Variants in ACYP2 observed in about 807,000 individuals in gnomAD.
ACYP2 encodes acylphosphatase-2.
Under a neutral mutation model 11.2 loss-of-function variants are expected in ACYP2, and 12 were observed. The ratio of observed to expected loss-of-function variants is 1.08; its 90% CI spans 0.69 to 1.74. ACYP2 has a LOEUF of 1.74. Among genes scored for constraint, ACYP2 ranks in the 40% most tolerant of loss-of-function variants. The pLI is 0.00. For missense variants in ACYP2, 134 were observed against 101.9 expected (o/e 1.31, Z -1.35); for synonymous variants, 43 against 32.2 (o/e 1.33, Z -1.13).
intron 6 of ACYP2, among the ~76,000 whole-genome samples, chr2:54,203,347 C>T (rs1480443547): frequency 6.6e-6 from 1 of 152,152 alleles, no homozygotes; most frequent in African/African-American, 2.4e-5. Flanking sequence ...CTGTTTACTA[C>T]TTCTAACAGG....
At chr2:54,200,941 ACTATT>A (rs1334302748) in intron 6 of ACYP2, among the ~76,000 whole-genome samples, 1 of 151,932 alleles carries the variant, frequency 6.6e-6, no homozygotes, top group Non-Finnish European at 1.5e-5. Context: ...TTTTATTATA[ACTATT>A]CTAGAGTGGT....
Position 54,234,601 on chromosome 2 carries a change from G to A in ACYP2, c.405-70087G>A, listed in dbSNP as rs548753365. Among the ~76,000 whole-genome samples, 34 of 152,326 alleles carry A rather than the reference G, an allele frequency of 2.2e-4. No individual in the cohort carries two copies. In the South Asian group the frequency reaches 7.0e-3, roughly 32 times the overall value. On this transcript the variant is annotated intron_variant, in intron 6 of 6. Coordinates refer to ENST00000607452, the MANE Select transcript of ACYP2 (RefSeq NM_001320586.2). ...TTTTTCAGTCAGAATTGTGTAAGCT[G>A]AACCAATTGAGATGTCTGTGGTGTT...
chr2:54,004,253 C>T lies in ACYP2; in HGVS notation c.62+30443C>T, dbSNP rs568584405. 3.9e-5 allele frequency among the ~76,000 whole-genome samples: 6 copies of T among 152,202 alleles called. No homozygotes were observed. The South Asian group carries it at 1.0e-3, about 26-fold the overall frequency. On this transcript the variant is annotated intron_variant, in intron 2 of 6. Coordinates refer to ENST00000607452, the MANE Select transcript of ACYP2 (RefSeq NM_001320586.2). ...CCGCCCACCTCGGCCTCCCAAAGTG[C>T]TGGGATTACAGGCATGAGCCACTGC...
Position 54,250,341 on chromosome 2 carries a change from C to T in ACYP2, c.405-54347C>T, listed in dbSNP as rs145558713. Among the ~76,000 whole-genome samples, 531 of 152,162 alleles carry T rather than the reference C, an allele frequency of 3.5e-3. 4 individuals carry two copies. The highest frequency in any genetic ancestry group is 0.012 in the African/African-American group (493 of 41,514). Reference sequence around the variant, plus strand: ...AAAATACTTTAGCTCGGCGTGGTGGCGCACGCCTGTAATCCCAGCTACTCA... The same window carrying T: ...AAAATACTTTAGCTCGGCGTGGTGGTGCACGCCTGTAATCCCAGCTACTCA... On this transcript the variant is annotated intron_variant, in intron 6 of 6. Transcript: ENST00000607452.
intron 2 of ACYP2, among the ~76,000 whole-genome samples, chr2:53,988,023 A>G (rs1293024102): frequency 6.6e-6 from 1 of 152,158 alleles, no homozygotes; most frequent in Non-Finnish European, 1.5e-5. Context: ...GATGAGGTCC[A>G]GTTTATCAGT....
At chr2:54,278,881 T>C (rs535463438) in intron 6 of ACYP2, among the ~76,000 whole-genome samples, 10 of 152,344 alleles carry the variant, frequency 6.6e-5, no homozygotes, top group African/African-American at 1.9e-4. Context: ...TAAGGAAGCA[T>C]GTGCTGAGGT....
intron 6 of ACYP2, among the ~76,000 whole-genome samples, chr2:54,208,317 C>T (rs193083613): frequency 9.2e-5 from 14 of 152,246 alleles, no homozygotes; most frequent in African/African-American, 3.1e-4. Context: ...TAACATACTA[C>T]CCTTAGTCTT....
At chr2:54,101,727 C>CTTCT (rs949335659) in intron 4 of ACYP2, among the ~76,000 whole-genome samples, 1 of 150,436 alleles carries the variant, frequency 6.6e-6, no homozygotes, top group Non-Finnish European at 1.5e-5. Context: ...TCTTTCCTTC[C>CTTCT]TTCTTTCTTT....
intron 2 of ACYP2, among the ~76,000 whole-genome samples, chr2:54,003,983 G>GT (rs1011036300): frequency 5.3e-5 from 8 of 151,376 alleles, no homozygotes; most frequent in African/African-American, 1.2e-4. Context: ...TTGTTGTTTT[G>GT]TTTTTTGTTT....
At chr2:53,982,828 CTGTGTGTGTGTGTGTGTGTGTGTG>C (rs3066946) in intron 2 of ACYP2, among the ~76,000 whole-genome samples, 4 of 140,524 alleles carry the variant, frequency 2.8e-5, no homozygotes, top group South Asian at 2.3e-4. Context: ...TCACACAAGA[CTGTGTGTGTGTGTGTGTGTGTGTG>C]TGTGTGTGTG....
At chr2:54,061,527 A>C (rs1231796539) in intron 4 of ACYP2, among the ~76,000 whole-genome samples, 1 of 152,206 alleles carries the variant, frequency 6.6e-6, no homozygotes, top group Non-Finnish European at 1.5e-5. Flanking sequence ...GGGCTGGTCT[A>C]TAATTGTACC....
At chr2:54,031,669 T>C (rs1674594605) in intron 2 of ACYP2, among the ~76,000 whole-genome samples, 1 of 152,202 alleles carries the variant, frequency 6.6e-6, no homozygotes, top group Non-Finnish European at 1.5e-5. Context: ...TCAAATGGTA[T>C]TTCTAGTTCT....
At chr2:54,194,177 C>T (rs1684355977) in intron 6 of ACYP2, among the ~76,000 whole-genome samples, 1 of 152,030 alleles carries the variant, frequency 6.6e-6, no homozygotes, top group Non-Finnish European at 1.5e-5. Flanking sequence ...GTAGCTGGTA[C>T]CACAGGGGTG....
At chr2:54,116,204 T>A (rs899824163) in intron 4 of ACYP2, among the ~76,000 whole-genome samples, 2 of 152,236 alleles carry the variant, frequency 1.3e-5, no homozygotes, top group Admixed American at 1.3e-4. Context: ...TTTTTAGACC[T>A]CTTTGTAGCT....
rs181998300 is a variant in ACYP2 at position 54,259,653 on chromosome 2, G to C, written c.405-45035G>C. Among the ~76,000 whole-genome samples the C allele has an allele frequency of 9.9e-5, 15 of 151,298 alleles. No homozygotes were observed. The Admixed American group carries it at 1.0e-3, about 10-fold the overall frequency. Reference sequence around the variant, plus strand: ...TCAAAAAGAGCACTTTCAGTGGAGTGGTGGGGGTTGAAATATGTTTGAAAG... The same window carrying C: ...TCAAAAAGAGCACTTTCAGTGGAGTCGTGGGGGTTGAAATATGTTTGAAAG... On this transcript the variant is annotated intron_variant, in intron 6 of 6. Transcript: ENST00000607452.
At chr2:54,160,173 G>A (rs2103826973) in intron 6 of ACYP2, among the ~76,000 whole-genome samples, 1 of 152,324 alleles carries the variant, frequency 6.6e-6, no homozygotes, top group African/African-American at 2.4e-5. Context: ...TTGTTGAGCT[G>A]TCATCAGTGT....
intron 6 of ACYP2, among the ~76,000 whole-genome samples, chr2:54,268,998 C>T (rs1455513720): frequency 6.6e-6 from 1 of 152,196 alleles, no homozygotes; most frequent in Admixed American, 6.5e-5. Flanking sequence ...TTTGTGTCAT[C>T]ATTTCCATCT....
intron 6 of ACYP2, among the ~76,000 whole-genome samples, chr2:54,273,621 C>T (rs183069721): frequency 3.3e-3 from 504 of 152,198 alleles, no homozygotes; most frequent in African/African-American, 0.011. Flanking sequence ...CCCACCACTA[C>T]GCCCATCTAA....
At chr2:54,195,378 C>G (rs949597126) in intron 6 of ACYP2, among the ~76,000 whole-genome samples, 2 of 152,144 alleles carry the variant, frequency 1.3e-5, no homozygotes, top group South Asian at 2.1e-4. Context: ...CTTCCTTTCA[C>G]GACTATAGTT....
Sources: allele counts gnomAD v4.1 joint callset (sites outside exome capture counted in the v4.1 genomes callset), GRCh38; gene constraint gnomAD v4.1.1; transcripts MANE v1.5; gene names NCBI Gene and HGNC (gene_info 2026-07-23, HGNC 2026-07-21).